Variants in TIAM1 observed in about 807,000 individuals in gnomAD.
TIAM1 encodes rho guanine nucleotide exchange factor TIAM1.
In TIAM1, 65 loss-of-function variants were observed where a neutral mutation model predicts 163.5. The observed-to-expected ratio is 0.40, with a 90% confidence interval of 0.33 to 0.49. TIAM1 has a LOEUF of 0.49. TIAM1 is among the 20% of genes least tolerant of loss of function. TIAM1 has a pLI of 0.77. For missense variants in TIAM1, 1,789 were observed against 2,044.7 expected, an observed-to-expected ratio of 0.87 and a Z score of 2.41; for synonymous variants, 833 against 810.1, an observed-to-expected ratio of 1.03 and a Z score of -0.48.
intron 6 of TIAM1, among the ~76,000 whole-genome samples, chr21:31,235,930 T>C (rs1396894275): frequency 6.6e-6 from 1 of 152,234 alleles, no homozygotes; most frequent in East Asian, 1.9e-4. Flanking sequence ...TCTCCATTAA[T>C]AGTCTCCTAA....
chr21:31,292,888 C>T (rs1276032665), intron 2 of TIAM1, among the ~76,000 whole-genome samples: 5 of 151,774 alleles, frequency 3.3e-5, no homozygotes, highest in African/African-American at 4.8e-5. Flanking sequence ...AGGCTGGTCT[C>T]GAACTCCTGA....
Position 31,362,707 on chromosome 21 carries a change from T to C in TIAM1, c.-368-23285A>G, listed in dbSNP as rs1602097756. Among the ~76,000 whole-genome samples the C allele has an allele frequency of 2.6e-5, 4 of 151,960 alleles. No homozygotes were observed. In the East Asian group the frequency reaches 7.7e-4, roughly 29 times the overall value. ...GTCACGAACTCTTGACCTCAAGTGA[T>C]CCACCTACCTCAGCCTCCCAAAGTG... On this transcript the variant is annotated intron_variant, in intron 2 of 28. Transcript: ENST00000286827.
intron 2 of TIAM1, among the ~76,000 whole-genome samples, chr21:31,387,129 C>T (rs1258980351): frequency 1.3e-5 from 2 of 151,766 alleles, no homozygotes; most frequent in African/African-American, 2.4e-5. Context: ...ATGTGGGGAG[C>T]CCCCGTCCCA....
At chr21:31,242,972 A>C (rs2071276626) in intron 6 of TIAM1, among the ~76,000 whole-genome samples, 1 of 150,922 alleles carries the variant, frequency 6.6e-6, no homozygotes, top group Non-Finnish European at 1.5e-5. Flanking sequence ...GGATTACCTG[A>C]GGTCAGGAGT....
intron 2 of TIAM1, among the ~76,000 whole-genome samples, chr21:31,317,092 A>T (rs2075148976): frequency 6.6e-6 from 1 of 152,190 alleles, no homozygotes; most frequent in African/African-American, 2.4e-5. Flanking sequence ...AGCAGGAAAA[A>T]GAGCTTCTCA....
At chr21:31,210,814 G>GAAA (rs147674572) in intron 10 of TIAM1, among the ~76,000 whole-genome samples, 25 of 147,594 alleles carry the variant, frequency 1.7e-4, no homozygotes, top group East Asian at 5.8e-4. Flanking sequence ...AAGAAAGAAA[G>GAAA]GTCACCATTC....
chr21:31,291,405 A>T (rs944845121), intron 2 of TIAM1, among the ~76,000 whole-genome samples: 1 of 152,244 alleles, frequency 6.6e-6, no homozygotes, highest in Non-Finnish European at 1.5e-5. Flanking sequence ...TGATGGAAGG[A>T]GCTCTCCTTA....
intron 16 of TIAM1, among the ~76,000 whole-genome samples, chr21:31,162,533 A>G (rs776425555): frequency 6.6e-6 from 1 of 152,214 alleles, no homozygotes. Flanking sequence ...AGAATTACAC[A>G]GTGCTCCCCA....
At chr21:31,283,581 G>A in intron 2 of TIAM1, among the ~76,000 whole-genome samples, 1 of 151,030 alleles carries the variant, frequency 6.6e-6, no homozygotes, top group African/African-American at 2.4e-5. Context: ...GTGTTGCTCT[G>A]TCGCCCAGGC....
At chr21:31,238,810 T>C (rs1442869590) in intron 6 of TIAM1, among the ~76,000 whole-genome samples, 1 of 152,192 alleles carries the variant, frequency 6.6e-6, no homozygotes, top group Non-Finnish European at 1.5e-5. Context: ...ACTCAGACAA[T>C]AAAAGGCTTT....
chr21:31,275,928 T>C (rs1009448555), intron 3 of TIAM1, among the ~76,000 whole-genome samples: 2 of 152,198 alleles, frequency 1.3e-5, no homozygotes, highest in Non-Finnish European at 2.9e-5. Flanking sequence ...CCTGAGGTAT[T>C]TAAAAACTTA....
At chr21:31,222,598 G>A (rs187987271) in intron 8 of TIAM1, among the ~76,000 whole-genome samples, 162 of 145,702 alleles carry the variant, frequency 1.1e-3, no homozygotes, top group African/African-American at 3.4e-3. Context: ...GAAATGGAGA[G>A]CTCCAAAGAG....
chr21:31,227,933 T>C (rs2088085083), intron 6 of TIAM1, among the ~76,000 whole-genome samples: 1 of 151,528 alleles, frequency 6.6e-6, no homozygotes, highest in African/African-American at 2.4e-5. Flanking sequence ...TGAGACGGAG[T>C]CTGTCTGTCA....
intron 2 of TIAM1, among the ~76,000 whole-genome samples, chr21:31,432,552 C>T (rs1401525614): frequency 1.3e-5 from 2 of 152,278 alleles, no homozygotes; most frequent in South Asian, 2.1e-4. Flanking sequence ...ACACACTCTC[C>T]GGCCAGTTTG....
chr21:31,501,441 T>G (rs1022838720), intron 1 of TIAM1, among the ~76,000 whole-genome samples: 2 of 151,800 alleles, frequency 1.3e-5, no homozygotes, highest in African/African-American at 4.8e-5. Flanking sequence ...TCTACACAAC[T>G]AGGAGGAAAA....
In TIAM1 at chr21:31,266,013, A is replaced by G. The variant is rs1227895452; in HGVS notation, c.960T>C (p.Thr320=). The G allele has an allele frequency of 1.2e-6, 2 of 1,612,292 alleles. No homozygotes were observed. The highest frequency in any genetic ancestry group is 1.7e-6 in the Non-Finnish European group (2 of 1,178,736). Residue 320 remains threonine (T), a synonymous_variant, in exon 4 of 28, where the codon ACT becomes ACC. Coordinates refer to ENST00000541036, the MANE Select transcript of TIAM1 (RefSeq NM_001353694.2). ...NSMQGRRAKT[T]QDVNAGEGSE... ...AAACAAATTTCAATCACTTTACCTG[A>G]GTTGTTTTAGCTCTTCTGCCTTGCA...
chr21:31,539,127 C>T (rs1313788242), intron 1 of TIAM1, among the ~76,000 whole-genome samples: 1 of 152,156 alleles, frequency 6.6e-6, no homozygotes, highest in Non-Finnish European at 1.5e-5. Flanking sequence ...TCCAAGAGCA[C>T]ACACACACCA....
At chr21:31,429,768 A>C (rs557764039) in intron 2 of TIAM1, among the ~76,000 whole-genome samples, 67 of 152,286 alleles carry the variant, frequency 4.4e-4, no homozygotes, top group African/African-American at 1.6e-3. Flanking sequence ...CACCGCTCCC[A>C]GTCATCCAGA....
intron 2 of TIAM1, among the ~76,000 whole-genome samples, chr21:31,422,095 G>A (rs2147260939): frequency 6.6e-6 from 1 of 152,210 alleles, no homozygotes; most frequent in African/African-American, 2.4e-5. Context: ...CAGGCTTCTG[G>A]CTTCCAGAGA....
Sources: gnomAD v4.1 joint callset for allele counts (sites outside exome capture counted in the v4.1 genomes callset) on GRCh38, gnomAD v4.1.1 for gene constraint, MANE v1.5 for transcripts, NCBI Gene and HGNC (gene_info 2026-07-23, HGNC 2026-07-21) for gene names.